The following RGS5 variants were observed in gnomAD, a reference collection of about 807,000 sequenced individuals.
The protein encoded by RGS5 is regulator of G protein signaling 5, also known as regulator of G-protein signalling 5.
RGS5 carries 20 observed loss-of-function variants against 18.9 expected under a neutral mutation model. The ratio of observed to expected loss-of-function variants is 1.06; its 90% confidence interval spans 0.74 to 1.54. The LOEUF (loss-of-function observed/expected upper bound fraction) is 1.54, where lower values mean the gene tolerates loss of function less well. Ranked by LOEUF, RGS5 falls within the 40% of genes most tolerant of loss-of-function variation. The pLI is 0.00. For missense variants in RGS5, 201 were observed against 211.8 expected (o/e 0.95, Z 0.32); for synonymous variants, 57 against 76.2 (o/e 0.75, Z 1.31).
At chr1:163,297,189 C>T (rs1406047811) in intron 2 of RGS5, among the ~76,000 whole-genome samples, 1 of 152,096 alleles carries the variant, frequency 6.6e-6, no homozygotes, top group Non-Finnish European at 1.5e-5. Context: ...ACAGGCAAAT[C>T]AGCAAGAGAG....
At chr1:163,317,840 G>C (rs1650068287) in intron 1 of RGS5, among the ~76,000 whole-genome samples, 1 of 150,184 alleles carries the variant, frequency 6.7e-6, no homozygotes, top group Admixed American at 6.6e-5. Context: ...CAATAAGACT[G>C]AACTGCCTTT....
At chr1:163,220,370 C>A (rs1365957493), upstream of RGS5, among the ~76,000 whole-genome samples, 1 of 152,124 alleles carries the variant, frequency 6.6e-6, no homozygotes, top group East Asian at 1.9e-4. Flanking sequence ...CCACAGACTC[C>A]ATTCAAATTT....
intron 2 of RGS5, among the ~76,000 whole-genome samples, chr1:163,228,240 A>G (rs1367888777): frequency 1.3e-5 from 2 of 152,220 alleles, no homozygotes; most frequent in Non-Finnish European, 2.9e-5. Context: ...CTGCCCCTGC[A>G]GCAGACTTCT....
chr1:163,192,495 A>G (rs1382146110), intron 1 of RGS5, among the ~76,000 whole-genome samples: 2 of 152,200 alleles, frequency 1.3e-5, no homozygotes. Context: ...TATTCGCCTT[A>G]AAGTGGAAAA....
In RGS5 at chr1:163,152,613, G is replaced by A; in HGVS notation, c.321C>T (p.Ala107=). Residue 107 remains alanine, a synonymous_variant, in exon 4 of 5, where the codon GCC becomes GCT. Coordinates refer to ENST00000313961, the MANE Select transcript of RGS5 (RefSeq NM_003617.4). ...CEDYKKIKSP[A]KMAEKAKQIY... ...TTTGCTTTGCCTTCTCAGCCATCTT[G>A]GCAGGGGACTTGATCTTCTTGTAAT... 6.2e-7 allele frequency: 1 copy of A among 1,612,830 alleles called. No individual in the cohort carries two copies. Among genetic ancestry groups the A allele is most frequent in the African/African-American group, 1.3e-5 (1 of 74,978 alleles).
intron 2 of RGS5, among the ~76,000 whole-genome samples, chr1:163,298,955 G>A (rs1312885274): frequency 6.6e-6 from 1 of 152,134 alleles, no homozygotes; most frequent in African/African-American, 2.4e-5. Context: ...CTTGCCTTTA[G>A]AGAACAATCA....
intron 2 of RGS5, among the ~76,000 whole-genome samples, chr1:163,303,532 A>G (rs1415495288): frequency 6.6e-6 from 1 of 152,250 alleles, no homozygotes; most frequent in Admixed American, 6.5e-5. Flanking sequence ...TAGAATCATC[A>G]AAACGTCAGA....
At chr1:163,176,266 G>A (rs1658552159) in intron 1 of RGS5, among the ~76,000 whole-genome samples, 2 of 152,192 alleles carry the variant, frequency 1.3e-5, no homozygotes, top group Non-Finnish European at 2.9e-5. Context: ...AGACTAGGAA[G>A]TCTCCCAGGG....
intron 2 of RGS5, among the ~76,000 whole-genome samples, chr1:163,293,737 C>G (rs1321924846): frequency 6.6e-6 from 1 of 152,156 alleles, no homozygotes; most frequent in Non-Finnish European, 1.5e-5. Context: ...CTTCCAACTA[C>G]GAGCCTGTAA....
intron 2 of RGS5, among the ~76,000 whole-genome samples, chr1:163,261,541 ACT>A (rs1648433896): frequency 6.6e-6 from 1 of 151,796 alleles, no homozygotes; most frequent in South Asian, 2.1e-4. Flanking sequence ...GGTCCACAGA[ACT>A]CTCTGTTCTC....
At chr1:163,273,298 G>A (rs1017521501) in intron 2 of RGS5, among the ~76,000 whole-genome samples, 6 of 152,100 alleles carry the variant, frequency 3.9e-5, no homozygotes, top group Middle Eastern at 3.4e-3. Flanking sequence ...GCCAATTTAC[G>A]GTCTAGGCAT....
At chr1:163,235,313 G>C (rs1240684379) in intron 2 of RGS5, among the ~76,000 whole-genome samples, 1 of 152,152 alleles carries the variant, frequency 6.6e-6, no homozygotes, top group Non-Finnish European at 1.5e-5. Context: ...AGACACCTCT[G>C]AACAAAAATG....
chr1:163,284,078 G>A (rs770070743), intron 2 of RGS5, among the ~76,000 whole-genome samples: 5 of 152,124 alleles, frequency 3.3e-5, no homozygotes, highest in African/African-American at 9.7e-5. Context: ...ACAGCATTCC[G>A]CAATGGGCTT....
intron 1 of RGS5, among the ~76,000 whole-genome samples, chr1:163,188,753 A>T (rs187208840): frequency 2.0e-5 from 3 of 152,128 alleles, no homozygotes; most frequent in Non-Finnish European, 4.4e-5. Flanking sequence ...AGGTCAAGAG[A>T]TCAAGACCAT....
intron 1 of RGS5, among the ~76,000 whole-genome samples, chr1:163,173,686 A>C (rs181998054): frequency 2.4e-3 from 372 of 152,368 alleles, no homozygotes; most frequent in Non-Finnish European, 3.1e-3. Flanking sequence ...TTCTCGCTTC[A>C]GAGACACTTG....
At position 163,259,354 on chromosome 1, in the gene RGS5, C is replaced by T. The variant is rs906140397; in HGVS notation, c.-281+46879G>A. ...TTTATCTTTTTTTTTTCAGTAGAGA[C>T]GGGGTTTCACCGTGTTAGCCGGGAT... On this transcript the variant is annotated intron_variant, in intron 2 of 5. Coordinates refer to the RGS5 transcript ENST00000618415. 2.6e-4 allele frequency among the ~76,000 whole-genome samples: 39 copies of T among 150,094 alleles called. No individual in the cohort carries two copies. In the East Asian group the frequency reaches 3.2e-3, roughly 12 times the overall value.
upstream of RGS5, among the ~76,000 whole-genome samples, chr1:163,220,278 C>A (rs1332924193): frequency 6.6e-6 from 1 of 151,830 alleles, no homozygotes; most frequent in Non-Finnish European, 1.5e-5. Flanking sequence ...TGTAGGAGTT[C>A]TTTTCCTTTT....
chr1:163,166,351 G>T (rs1318012986), intron 2 of RGS5, among the ~76,000 whole-genome samples: 1 of 152,122 alleles, frequency 6.6e-6, no homozygotes, highest in Non-Finnish European at 1.5e-5. Context: ...TAAAAAAACG[G>T]ATTCTACTGA....
intron 1 of RGS5, among the ~76,000 whole-genome samples, chr1:163,189,443 A>G (rs1283033410): frequency 6.6e-6 from 1 of 152,208 alleles, no homozygotes; most frequent in South Asian, 2.1e-4. Context: ...GAGACGTAAA[A>G]TGGTACTCAT....
Sources: allele counts gnomAD v4.1 joint callset (sites outside exome capture counted in the v4.1 genomes callset), GRCh38; gene constraint gnomAD v4.1.1; transcripts MANE v1.5; gene names NCBI Gene and HGNC (gene_info 2026-07-23, HGNC 2026-07-21).